B3GAT2: variants seen among roughly 807,000 people sequenced by gnomAD.
B3GAT2 encodes the protein beta-1,3-glucuronyltransferase 2, also known as galactosylgalactosylxylosylprotein 3-beta-glucuronosyltransferase 2.
B3GAT2 carries 26 observed loss-of-function variants against 27.8 expected under a neutral mutation model. The observed-to-expected ratio is 0.93, with a 90% CI of 0.68 to 1.30. The LOEUF (loss-of-function observed/expected upper bound fraction) is 1.30, where lower values mean the gene tolerates loss of function less well. Among genes scored for constraint, B3GAT2 ranks in the 50% most tolerant of loss-of-function variants. The probability of loss-of-function intolerance (pLI) is 0.00; values close to 1 mark genes in which losing one functional copy is unlikely to be tolerated. For synonymous variants in B3GAT2, 218 were observed against 195.1 expected (o/e 1.12, Z -0.98); for missense variants, 458 against 459.0 (o/e 1.00, Z 0.02).
chr6:70,947,137 T>C (rs1367476233), intron 1 of B3GAT2, among the ~76,000 whole-genome samples: 203 of 150,044 alleles, frequency 1.4e-3, no homozygotes, highest in African/African-American at 3.4e-3. Flanking sequence ...CAGGAAAGAT[T>C]CAAAATTGAC....
rs1771675565 is a variant in B3GAT2, at chr6:70,860,576, ATTAT to A, written c.*1083_*1086del. ...TATTTCCCATGATTTCATGTACTGC[ATTAT>A]TTGAGAAGCTGCTCAACTTGCAAAA... On this transcript the variant is annotated 3_prime_UTR_variant, in exon 4 of 4. Coordinates refer to ENST00000230053, the MANE Select transcript of B3GAT2 (RefSeq NM_080742.3). 2 of 437,928 alleles carry A rather than the reference ATTAT, an allele frequency of 4.6e-6. No individual in the cohort carries two copies. The highest frequency in any genetic ancestry group is 4.1e-5 in the Admixed American group (1 of 24,610). 27.1% of individuals were successfully genotyped at this position (437,928 alleles called of 1,614,324 possible).
At chr6:70,952,683 G>T (rs537788142) in intron 1 of B3GAT2, among the ~76,000 whole-genome samples, 18 of 152,086 alleles carry the variant, frequency 1.2e-4, no homozygotes, top group Non-Finnish European at 2.2e-4. Flanking sequence ...TGAGATTTTT[G>T]AAACCTGAAA....
At chr6:70,904,811 A>C (rs1311253060) in intron 1 of B3GAT2, among the ~76,000 whole-genome samples, 1 of 152,146 alleles carries the variant, frequency 6.6e-6, no homozygotes, top group Admixed American at 6.6e-5. Context: ...AAATATTCTC[A>C]TTGTCTCAAG....
chr6:70,903,978 G>T (rs1393489575), intron 1 of B3GAT2, among the ~76,000 whole-genome samples: 3 of 152,028 alleles, frequency 2.0e-5, no homozygotes, highest in African/African-American at 2.4e-5. Flanking sequence ...AGCTGGAAAT[G>T]GTCCAAATGT....
intron 2 of B3GAT2, among the ~76,000 whole-genome samples, chr6:70,872,740 T>C (rs1307994936): frequency 6.6e-6 from 1 of 151,998 alleles, no homozygotes; most frequent in African/African-American, 2.4e-5. Context: ...GTTTTCTACA[T>C]GTCTAATGTT....
At chr6:70,924,083 T>C (rs1005568542) in intron 1 of B3GAT2, among the ~76,000 whole-genome samples, 1 of 152,198 alleles carries the variant, frequency 6.6e-6, no homozygotes, top group African/African-American at 2.4e-5. Flanking sequence ...ATCACCACTA[T>C]ACAATCTATA....
chr6:70,920,990 T>A (rs1298519560), intron 1 of B3GAT2, among the ~76,000 whole-genome samples: 2 of 152,230 alleles, frequency 1.3e-5, no homozygotes, highest in Admixed American at 6.5e-5. Context: ...TGCTGAAAGG[T>A]CTTCTGTTAG....
intron 2 of B3GAT2, among the ~76,000 whole-genome samples, chr6:70,868,896 T>C (rs1308924978): frequency 6.6e-6 from 1 of 152,158 alleles, no homozygotes; most frequent in Admixed American, 6.6e-5. Context: ...TACACTGCCT[T>C]TTGGAATGTT....
chr6:70,858,454 AG>A lies in B3GAT2; in HGVS notation c.*3208del. The A allele has an allele frequency of 2.4e-6, 1 of 409,864 alleles. No homozygotes were observed. Among genetic ancestry groups the A allele is most frequent in the Admixed American group, 4.2e-5 (1 of 24,020 alleles). 25.4% of individuals were successfully genotyped at this position (409,864 alleles called of 1,614,324 possible). On this transcript the variant is annotated 3_prime_UTR_variant, in exon 4 of 4. Coordinates refer to ENST00000230053, the MANE Select transcript of B3GAT2 (RefSeq NM_080742.3). ...TATTTTAGAGTATTCTGTAAAAAAA[AG>A]GTTAAACATCTTTCATTTCAAATTG...
At chr6:70,904,822 G>T (rs1395824423) in intron 1 of B3GAT2, among the ~76,000 whole-genome samples, 1 of 152,096 alleles carries the variant, frequency 6.6e-6, no homozygotes, top group Non-Finnish European at 1.5e-5. Context: ...TTGTCTCAAG[G>T]TATCACCCCT....
In B3GAT2 at chr6:70,912,971, T is replaced by C. The variant is rs148798150; in HGVS notation, c.592-18699A>G. Among the ~76,000 whole-genome samples, 868 of 152,266 alleles carry C rather than the reference T, an allele frequency of 5.7e-3. 5 individuals are homozygous for C. Among genetic ancestry groups the C allele is most frequent in the Middle Eastern group, 0.041 (12 of 294 alleles). ...TTTGTCTGCATAGAGGTGTTTGTAA[T>C]AGTCTTTTAAGGTTTTTTATATTTC... On this transcript the variant is annotated intron_variant, in intron 1 of 3. Transcript: ENST00000230053.
rs1010203125 is a variant in B3GAT2, at chr6:70,912,060, A to AT, written c.592-17789dup. ...GGAGCTTTTGGGCAGACACTATGGAATTTTCTAGGTATAAAATCATATTGT... is the reference window on the plus strand; with the variant it reads ...GGAGCTTTTGGGCAGACACTATGGAATTTTTCTAGGTATAAAATCATATTGT... On this transcript the variant is annotated intron_variant, in intron 1 of 3. Transcript: ENST00000230053. Among the ~76,000 whole-genome samples, 10 of 151,930 alleles carry AT rather than the reference A, an allele frequency of 6.6e-5. No homozygotes were observed. In the South Asian group the frequency reaches 1.9e-3, roughly 28 times the overall value.
chr6:70,942,363 T>C (rs1765406961), intron 1 of B3GAT2, among the ~76,000 whole-genome samples: 1 of 152,164 alleles, frequency 6.6e-6, no homozygotes, highest in South Asian at 2.1e-4. Flanking sequence ...CCTCATCTTC[T>C]CACCACCCAG....
At chr6:70,873,851 T>C (rs1407775833) in intron 2 of B3GAT2, among the ~76,000 whole-genome samples, 1 of 152,124 alleles carries the variant, frequency 6.6e-6, no homozygotes, top group African/African-American at 2.4e-5. Flanking sequence ...TTTTTGTTTT[T>C]ATTAGTGTAC....
At chr6:70,928,923 A>T (rs4392687) in intron 1 of B3GAT2, among the ~76,000 whole-genome samples, 28 of 152,094 alleles carry the variant, frequency 1.8e-4, no homozygotes, top group African/African-American at 4.6e-4. Flanking sequence ...ATGTTTATTG[A>T]GGCACTATTC....
At chr6:70,940,557 G>T (rs992780742) in intron 1 of B3GAT2, among the ~76,000 whole-genome samples, 3 of 151,980 alleles carry the variant, frequency 2.0e-5, no homozygotes, top group Non-Finnish European at 4.4e-5. Flanking sequence ...ATTCATTTGT[G>T]CCAACGATAA....
At chr6:70,863,120 T>A (rs899293314) in intron 2 of B3GAT2, among the ~76,000 whole-genome samples, 1 of 152,230 alleles carries the variant, frequency 6.6e-6, no homozygotes, top group African/African-American at 2.4e-5. Context: ...CTCTTTTTCC[T>A]TAGTGACTAA....
At chr6:70,896,731 C>T (rs185995657) in intron 1 of B3GAT2, among the ~76,000 whole-genome samples, 2 of 152,252 alleles carry the variant, frequency 1.3e-5, no homozygotes, top group East Asian at 1.9e-4. Flanking sequence ...TTGTAATGTA[C>T]ATTAATAGTT....
intron 2 of B3GAT2, among the ~76,000 whole-genome samples, chr6:70,880,107 G>A (rs909802991): frequency 6.6e-6 from 1 of 151,748 alleles, no homozygotes; most frequent in Non-Finnish European, 1.5e-5. Context: ...GGTGGAGGTG[G>A]CAATGCGGCA....
Sources: gnomAD v4.1 joint callset for allele counts (sites outside exome capture counted in the v4.1 genomes callset) on GRCh38, gnomAD v4.1.1 for gene constraint, MANE v1.5 for transcripts, NCBI Gene and HGNC (gene_info 2026-07-23, HGNC 2026-07-21) for gene names.